The following WBP2 variants were observed in gnomAD, a reference collection of about 807,000 sequenced individuals.
The protein encoded by WBP2 is WW domain binding protein 2.
In WBP2, 23 loss-of-function variants were observed where a neutral mutation model predicts 33.0. The ratio of observed to expected loss-of-function variants is 0.70; its 90% CI spans 0.50 to 0.99. The LOEUF is 0.99. Ranked by LOEUF, WBP2 falls within the 50% of genes least tolerant of loss-of-function variation. The pLI is 0.00. For missense variants in WBP2, 353 were observed against 358.0 expected (o/e 0.99, Z 0.11); for synonymous variants, 153 against 133.5 (o/e 1.15, Z -1.01).
intron 2 of WBP2, among the ~76,000 whole-genome samples, chr17:75,850,695 G>C (rs942841529): frequency 2.0e-5 from 3 of 151,996 alleles, no homozygotes; most frequent in Admixed American, 1.3e-4. Flanking sequence ...CTGTCTTTGA[G>C]TCTAAGTCTT....
chr17:75,850,225 T>G (rs1407655094), intron 2 of WBP2, among the ~76,000 whole-genome samples: 1 of 149,884 alleles, frequency 6.7e-6, no homozygotes, highest in Non-Finnish European at 1.5e-5. Flanking sequence ...GAGAAACCCT[T>G]GGGTTTTATT....
chr17:75,855,509 C>G (rs1162375477), upstream of WBP2: 34 of 592,144 alleles, frequency 5.7e-5, no homozygotes, highest in East Asian at 7.9e-4. Flanking sequence ...ACTACAATTC[C>G]CAGCAGGCAA....
Position 75,846,744 on chromosome 17 carries a change from T to G in WBP2, c.776A>C (p.Lys259Thr). The G allele has an allele frequency of 6.5e-7, 1 of 1,529,018 alleles. No homozygotes were observed. Among genetic ancestry groups the G allele is most frequent in the South Asian group, 1.3e-5 (1 of 78,322 alleles). 94.7% of individuals were successfully genotyped at this position (1,529,018 alleles called of 1,614,324 possible). The change falls in exon 8 of 8, where the codon AAG becomes ACG. Residue 259 changes from lysine (K) to threonine (T), a missense_variant. Transcript: ENST00000254806. This position sits in a 1 kb window ranked among gnomAD's most constrained non-coding sequence, Gnocchi z 4.8. Reference protein sequence around the residue: ...PPPYYPPEDKKTQ With the variant: ...PPPYYPPEDKTTQ The stretch of plus-strand genomic sequence containing the variant: ...GGGAGGCAGGAGGGCCTACTGGGTC[T>G]TCTTATCTTCCGGTGGGTAGTAGGG...
At chr17:75,847,359 T>G (rs1334570458) in intron 6 of WBP2, 128 bp downstream of exon 6, 1 of 1,437,196 alleles carries the variant, frequency 7.0e-7, no homozygotes, top group Non-Finnish European at 9.5e-7. Context: ...GCTGGGCCCC[T>G]GGGGTAGTCC....
At chr17:75,853,844 G>A (rs554776672) in intron 1 of WBP2, among the ~76,000 whole-genome samples, 1 of 152,112 alleles carries the variant, frequency 6.6e-6, no homozygotes, top group African/African-American at 2.4e-5. Flanking sequence ...AGGAGTTCGA[G>A]ACCAGCCTGC....
intron 4 of WBP2, chr17:75,848,225 T>A: frequency 1.7e-6 from 1 of 585,088 alleles, no homozygotes; most frequent in Non-Finnish European, 3.0e-6. Flanking sequence ...TGGCGGAGGA[T>A]GTCTGCTGGC....
chr17:75,852,896 G>C (rs2065036202), intron 1 of WBP2: 1 of 687,926 alleles, frequency 1.5e-6, no homozygotes. Context: ...TTAAACCTGG[G>C]TTCTTAAGCG....
chr17:75,847,385 T>C (rs2064999629), intron 6 of WBP2, 102 bp downstream of exon 6: 3 of 1,522,950 alleles, frequency 2.0e-6, no homozygotes, highest in Admixed American at 2.0e-5. Flanking sequence ...TCATCCATCA[T>C]CTGCGGCTCT....
intron 1 of WBP2, among the ~76,000 whole-genome samples, chr17:75,854,602 T>C (rs1241573145): frequency 1.3e-5 from 2 of 152,150 alleles, no homozygotes; most frequent in Non-Finnish European, 2.9e-5. Flanking sequence ...CTGACAAACG[T>C]CATCTGTTTA....
chr17:75,846,814 G>C lies in WBP2; in HGVS notation c.733-27C>G, dbSNP rs1420676363. 6.3e-7 allele frequency: 1 copy of C among 1,592,712 alleles called. No individual in the cohort carries two copies. The highest frequency in any genetic ancestry group is 8.6e-7 in the Non-Finnish European group (1 of 1,168,232). On this transcript the variant is annotated intron_variant, in intron 7 of 7. Transcript: ENST00000254806. The surrounding 1 kb of genome is among the most constrained non-coding windows in gnomAD (Gnocchi z 4.8). ...TAAAGAAGGGAGAAAGGAGAGACTT[G>C]CATTAGAAGGTTTAAAACATGGTGC...
intron 2 of WBP2, among the ~76,000 whole-genome samples, chr17:75,850,221 C>A (rs180874259): frequency 1.3e-5 from 2 of 151,216 alleles, no homozygotes; most frequent in Admixed American, 6.6e-5. Flanking sequence ...CCTGGAGAAA[C>A]CCTTGGGTTT....
chr17:75,851,476 A>C, intron 2 of WBP2, 92 bp downstream of exon 2: 2 of 928,646 alleles, frequency 2.2e-6, no homozygotes, highest in Non-Finnish European at 3.5e-6. Flanking sequence ...AGGCCACCTG[A>C]CTCATGAGGC....
At position 75,851,503 on chromosome 17, in the gene WBP2, C is replaced by T. The variant is rs1011234668; in HGVS notation, c.168+65G>A. 5 of 1,309,576 alleles carry T rather than the reference C, an allele frequency of 3.8e-6. No homozygotes were observed. In the South Asian group the frequency reaches 5.9e-5, roughly 16 times the overall value. 81.1% of individuals were successfully genotyped at this position (1,309,576 alleles called of 1,614,324 possible). A position where few individuals can be genotyped will look rare whatever the true frequency, so the allele number is the denominator to read the frequency against. ...TCATGAGGCTGAGGCAGACCTGAGA[C>T]TAAGACTCACGTCACCTCCAACAGC... On this transcript the variant is annotated intron_variant, in intron 2 of 7. Transcript: ENST00000254806.
Position 75,846,262 on chromosome 17 carries a change from G to A in WBP2, c.*472C>T, listed in dbSNP as rs1392355461. 5 of 166,644 alleles carry A rather than the reference G, an allele frequency of 3.0e-5. No individual in the cohort carries two copies. Among genetic ancestry groups the A allele is most frequent in the East Asian group, 1.9e-4 (1 of 5,338 alleles). 10.3% of individuals were successfully genotyped at this position (166,644 alleles called of 1,614,324 possible). On this transcript the variant is annotated 3_prime_UTR_variant, in exon 8 of 8. Transcript: ENST00000254806. This position sits in a 1 kb window ranked among gnomAD's most constrained non-coding sequence, Gnocchi z 4.8. The stretch of plus-strand genomic sequence containing the variant: ...GACCCTGGCTGAGTGGAATGCGGGC[G>A]CGGTGGCCTTCTGAGACCAGCACAG...
intron 1 of WBP2, 80 bp downstream of exon 1, chr17:75,855,159 T>TAC: frequency 1.0e-6 from 1 of 964,064 alleles, no homozygotes; most frequent in Non-Finnish European, 1.6e-6. Context: ...AGGGGCTTAT[T>TAC]CCCCACCACC....
At chr17:75,848,030 T>C in intron 4 of WBP2, 100 bp from the exon 5 acceptor site, 1 of 1,464,022 alleles carries the variant, frequency 6.8e-7, no homozygotes, top group South Asian at 1.2e-5. Flanking sequence ...GTCTCAGGAA[T>C]GTGCCCCGCA....
intron 1 of WBP2, 44 bp from the exon 2 acceptor site, chr17:75,851,720 G>C: frequency 2.1e-6 from 3 of 1,461,024 alleles, no homozygotes; most frequent in Non-Finnish European, 2.9e-6. Flanking sequence ...ACAGTATGGA[G>C]ACGCGACGTC....
chr17:75,851,692 AG>A lies in WBP2; in HGVS notation c.60-17del. 1 of 1,599,190 alleles carries A rather than the reference AG, an allele frequency of 6.3e-7. No individual in the cohort carries two copies. The highest frequency in any genetic ancestry group is 8.6e-7 in the Non-Finnish European group (1 of 1,166,994). ...CATTAGGATGCTGTGATGAGAAAAG[AG>A]GAAAAGCCTCAATGAGACAGTATGG... On this transcript the variant is annotated splice_polypyrimidine_tract_variant and intron_variant, in intron 1 of 7. Coordinates refer to ENST00000254806, the MANE Select transcript of WBP2 (RefSeq NM_012478.4).
At chr17:75,848,428 C>T (rs2065008392) in intron 4 of WBP2, 142 bp downstream of exon 4, 3 of 744,214 alleles carry the variant, frequency 4.0e-6, no homozygotes, top group Non-Finnish European at 4.5e-6. Context: ...CTTTCCTTCC[C>T]AACTCCTAGG....
Sources: allele counts gnomAD v4.1 joint callset (sites outside exome capture counted in the v4.1 genomes callset), GRCh38; gene constraint gnomAD v4.1.1; non-coding constraint Gnocchi (gnomAD v3.1); transcripts MANE v1.5; gene names NCBI Gene and HGNC (gene_info 2026-07-23, HGNC 2026-07-21).